The following WDR64 variants were observed in gnomAD, a reference collection of about 807,000 sequenced individuals.
WDR64 encodes the protein WD repeat-containing protein 64.
WDR64 carries 112 observed loss-of-function variants against 139.3 expected under a neutral mutation model. The observed-to-expected ratio is 0.80, with a 90% CI of 0.69 to 0.94. The LOEUF is 0.94. Ranked by LOEUF, WDR64 falls within the 40% of genes least tolerant of loss-of-function variation. The probability of loss-of-function intolerance (pLI) is 0.00; values close to 1 mark genes in which losing one functional copy is unlikely to be tolerated. For synonymous variants in WDR64, 444 were observed against 437.7 expected, an observed-to-expected ratio of 1.01 and a Z score of -0.18; for missense variants, 1,206 against 1,293.1, an observed-to-expected ratio of 0.93 and a Z score of 1.03.
intron 20 of WDR64, among the ~76,000 whole-genome samples, chr1:241,774,064 A>G (rs771996793): frequency 7.9e-5 from 12 of 152,212 alleles, no homozygotes; most frequent in Non-Finnish European, 1.5e-4. Flanking sequence ...GGGTGGAATT[A>G]AGAGGACAGA....
At chr1:241,800,800 T>C (rs1197425903) in intron 27 of WDR64, among the ~76,000 whole-genome samples, 3 of 152,160 alleles carry the variant, frequency 2.0e-5, no homozygotes, top group Non-Finnish European at 4.4e-5. Context: ...CAGCAGCACA[T>C]ATACAATATT....
rs1457114268 is a variant in WDR64, at chr1:241,741,647, T to C, written c.1453T>C (p.Ser485Pro). The C allele has an allele frequency of 6.2e-7, 1 of 1,609,120 alleles. No homozygotes were observed. Among genetic ancestry groups the C allele is most frequent in the Non-Finnish European group, 8.5e-7 (1 of 1,179,062 alleles). Reference protein sequence around the residue: ...KYFHQVLTICSESIIRVWELE... With the variant: ...KYFHQVLTICPESIIRVWELE... ...TTTTCATCAAGTACTCACTATCTGC[T>C]CTGAATCCATAATTAGGGTAAGTAC... Residue 485 changes from serine to proline, a missense_variant, in exon 12 of 28, where the codon TCT becomes CCT. Ser to Pro is a moderately conservative substitution (Grantham distance 74). Coordinates refer to ENST00000437684, the MANE Select transcript of WDR64 (RefSeq NM_001367482.1).
rs1402216161 is a variant in WDR64 at position 241,801,152 on chromosome 1, G to GA, written c.3221dup (p.Asn1074LysfsTer69). The GA allele has an allele frequency of 6.2e-7, 1 of 1,612,818 alleles. No individual in the cohort carries two copies. The highest frequency in any genetic ancestry group is 8.5e-7 in the Non-Finnish European group (1 of 1,179,402). ...CACAGGCACCACGAAGAAGAAGTTT[G>GA]AAAAAAAATTTAGTCCCACAAATAA... On this transcript the variant is annotated frameshift_variant, in exon 28 of 28. Coordinates refer to ENST00000437684, the MANE Select transcript of WDR64 (RefSeq NM_001367482.1). LOFTEE classifies it high-confidence loss of function.
At chr1:241,718,207 C>T (rs1377561828) in intron 9 of WDR64, among the ~76,000 whole-genome samples, 1 of 152,136 alleles carries the variant, frequency 6.6e-6, no homozygotes, top group Non-Finnish European at 1.5e-5. Context: ...ATGAGAACTA[C>T]TAGGCTCACC....
At chr1:241,774,976 G>A (rs1658597254) in intron 20 of WDR64, 129 bp from the exon 21 acceptor site, 1 of 691,388 alleles carries the variant, frequency 1.4e-6, no homozygotes, top group Admixed American at 2.8e-5. Context: ...ACAAACAGGG[G>A]AATCGTGGTT....
chr1:241,760,475 A>T (rs1226493561), intron 15 of WDR64, among the ~76,000 whole-genome samples: 1 of 109,494 alleles, frequency 9.1e-6, no homozygotes, highest in Non-Finnish European at 2.1e-5. Context: ...CAAAATGAAA[A>T]CACTAATAAG....
intron 1 of WDR64, among the ~76,000 whole-genome samples, chr1:241,653,359 A>C (rs766148417): frequency 5.9e-5 from 9 of 152,226 alleles, no homozygotes; most frequent in Non-Finnish European, 1.0e-4. Flanking sequence ...GCCAGGCTGC[A>C]TAGTAATTTG....
At chr1:241,784,953 G>GGAAAAAAAAAAAAAAAAAAAAAAAAAA (rs766802128) in intron 23 of WDR64, among the ~76,000 whole-genome samples, 2 of 62,244 alleles carry the variant, frequency 3.2e-5, no homozygotes, top group African/African-American at 5.4e-5. Context: ...GACTCTGTCT[G>GGAAAAAAAAAAAAAAAAAAAAAAAAAA]AAAAAAAAAA....
chr1:241,696,047 G>A (rs968830572), intron 8 of WDR64, among the ~76,000 whole-genome samples: 1 of 145,274 alleles, frequency 6.9e-6, no homozygotes, highest in Non-Finnish European at 1.5e-5. Flanking sequence ...CTGGGAGGTC[G>A]AGGCTGCAGT....
At chr1:241,779,871 G>T in intron 21 of WDR64, 133 bp from the exon 22 acceptor site, 1 of 591,240 alleles carries the variant, frequency 1.7e-6, no homozygotes. Context: ...TGAAATTTCT[G>T]CTTTCATTTC....
chr1:241,677,517 A>C (rs1428326731), intron 4 of WDR64: 2 of 398,470 alleles, frequency 5.0e-6, no homozygotes, highest in Non-Finnish European at 8.8e-6. Context: ...ATGTAAAAGA[A>C]ACAAGGTCAG....
rs964271685 is a variant in WDR64, at chr1:241,775,190, T to C, written c.2516T>C (p.Ile839Thr). ...TSLYTDSCTR[I>T]LLAGNVEGHV... ...CTGTATACTGATTCATGTACGAGGA[T>C]ACTACTGGCTGGAAATGTGGGTGAG... Residue 839 changes from isoleucine to threonine, a missense_variant, in exon 21 of 28, where the codon ATA becomes ACA. Coordinates refer to ENST00000437684, the MANE Select transcript of WDR64 (RefSeq NM_001367482.1). The C allele has an allele frequency of 1.9e-6, 3 of 1,550,474 alleles. No individual in the cohort carries two copies. In the South Asian group the frequency reaches 3.6e-5, roughly 18 times the overall value.
intron 10 of WDR64, among the ~76,000 whole-genome samples, chr1:241,737,331 T>G (rs2148234502): frequency 6.6e-6 from 1 of 152,348 alleles, no homozygotes; most frequent in African/African-American, 2.4e-5. Flanking sequence ...GAGGACTAAC[T>G]TGCCTTAGCA....
intron 16 of WDR64, among the ~76,000 whole-genome samples, chr1:241,768,663 T>G (rs964275243): frequency 2.0e-5 from 3 of 152,230 alleles, no homozygotes; most frequent in African/African-American, 7.2e-5. Context: ...TAATTTCCAC[T>G]GAAGAAACAG....
At chr1:241,680,841 G>T (rs1574002601) in intron 6 of WDR64, among the ~76,000 whole-genome samples, 1 of 152,086 alleles carries the variant, frequency 6.6e-6, no homozygotes, top group Admixed American at 6.5e-5. Flanking sequence ...CCCATTTCTT[G>T]TAAGTCATCC....
At chr1:241,675,015 TTC>T (rs1666437957) in intron 4 of WDR64, among the ~76,000 whole-genome samples, 1 of 37,648 alleles carries the variant, frequency 2.7e-5, no homozygotes, top group Non-Finnish European at 6.8e-5. Context: ...CTTCCTTCCT[TTC>T]TTCTTCCTTC....
At chr1:241,778,809 A>G (rs1658750065) in intron 21 of WDR64, among the ~76,000 whole-genome samples, 1 of 152,062 alleles carries the variant, frequency 6.6e-6, no homozygotes, top group African/African-American at 2.4e-5. Flanking sequence ...TCTCTCTTTT[A>G]TCTCCTGTAT....
At chr1:241,760,107 C>T (rs752882284) in intron 15 of WDR64, among the ~76,000 whole-genome samples, 1 of 152,162 alleles carries the variant, frequency 6.6e-6, no homozygotes, top group Non-Finnish European at 1.5e-5. Context: ...ATGTTGTTTA[C>T]CCATTCATCC....
At chr1:241,660,350 C>T (rs1325094483) in intron 1 of WDR64, among the ~76,000 whole-genome samples, 180 bp from the exon 2 acceptor site, 1 of 152,096 alleles carries the variant, frequency 6.6e-6, no homozygotes, top group Non-Finnish European at 1.5e-5. Flanking sequence ...AGTGTGATGC[C>T]TCCAGCTTTG....
Sources: allele counts gnomAD v4.1 joint callset (sites outside exome capture counted in the v4.1 genomes callset), GRCh38; gene constraint gnomAD v4.1.1; transcripts MANE v1.5; gene names NCBI Gene and HGNC (gene_info 2026-07-23, HGNC 2026-07-21).